The following ZNF471 variants were observed in gnomAD, a reference collection of about 807,000 sequenced individuals.
The protein encoded by ZNF471 is EZFIT-related protein 1.
In ZNF471, 7 loss-of-function variants were observed where a neutral mutation model predicts 13.7. The observed-to-expected ratio is 0.51, with a 90% CI of 0.29 to 0.96. The LOEUF (loss-of-function observed/expected upper bound fraction) is 0.96, where lower values mean the gene tolerates loss of function less well. ZNF471 is among the 40% of genes least tolerant of loss of function. The pLI, the probability that ZNF471 is intolerant of heterozygous loss-of-function variation, is 0.08. For synonymous variants in ZNF471, 218 were observed against 235.6 expected (o/e 0.93, Z 0.68); for missense variants, 663 against 743.3 (o/e 0.89, Z 1.26).
rs1346922181 is a variant in ZNF471, at chr19:56,526,603, G to C, written c.*655G>C. The C allele has an allele frequency of 6.6e-6, 1 of 152,356 alleles. No individual in the cohort carries two copies. Among genetic ancestry groups the C allele is most frequent in the Non-Finnish European group, 1.5e-5 (1 of 68,178 alleles). The allele number at this position is 152,356 out of a possible 1,614,324, so 9.4% of individuals were successfully genotyped here. On this transcript the variant is annotated 3_prime_UTR_variant, in exon 5 of 5. Coordinates refer to ENST00000308031, the MANE Select transcript of ZNF471 (RefSeq NM_020813.4). ...GAGCCCAGCAAGCTAAGATCCACTG[G>C]CTTGGAATTCTCCCTGCCAGCACAG... is the stretch of plus-strand genomic sequence containing the variant.
chr19:56,511,653 G>A, intron 2 of ZNF471, 49 bp downstream of exon 2: 1 of 1,460,852 alleles, frequency 6.8e-7, no homozygotes, highest in Non-Finnish European at 9.5e-7. Context: ...TTGCTGTTTA[G>A]GACTTTTTGT....
At position 56,510,936 on chromosome 19, in the gene ZNF471, G is replaced by T; in HGVS notation, c.-55-581G>T. ...GGCTGGGACAGAGGTGAGAGTGAAA[G>T]TGGCAGAATTGAGTGCTAAAGGTTC... is the stretch of plus-strand genomic sequence containing the variant. On this transcript the variant is annotated intron_variant, in intron 1 of 4. Coordinates refer to ENST00000308031, the MANE Select transcript of ZNF471 (RefSeq NM_020813.4). The surrounding 1 kb of genome is among the most constrained non-coding windows in gnomAD (Gnocchi z 4.3). The T allele has an allele frequency of 1.0e-6, 1 of 985,642 alleles. No homozygotes were observed. Among genetic ancestry groups the T allele is most frequent in the Non-Finnish European group, 1.2e-6 (1 of 830,032 alleles). The allele number at this position is 985,642 out of a possible 1,614,324, so 61.1% of individuals were successfully genotyped here.
Position 56,516,211 on chromosome 19 carries a change from G to A in ZNF471, c.34-64G>A. On this transcript the variant is annotated intron_variant, in intron 2 of 4. Transcript: ENST00000308031. The surrounding 1 kb of genome is among the most constrained non-coding windows in gnomAD (Gnocchi z 4.4). ...TCTCACCTAAAGTAGAGACACTTTG[G>A]ATCAACTCAGAGTTATCTTTGGACA... 3 of 1,546,238 alleles carry A rather than the reference G, an allele frequency of 1.9e-6. No individual in the cohort carries two copies. The highest frequency in any genetic ancestry group is 2.7e-6 in the Non-Finnish European group (3 of 1,129,162).
Position 56,510,306 on chromosome 19 carries a change from G to A in ZNF471, c.-55-1211G>A. 1 of 985,460 alleles carries A rather than the reference G, an allele frequency of 1.0e-6. No homozygotes were observed. The highest frequency in any genetic ancestry group is 1.2e-6 in the Non-Finnish European group (1 of 829,950). 61.0% of individuals were successfully genotyped at this position (985,460 alleles called of 1,614,324 possible). A position where few individuals can be genotyped will look rare whatever the true frequency, so the allele number is the denominator to read the frequency against. On this transcript the variant is annotated intron_variant, in intron 1 of 4. Transcript: ENST00000308031. This position sits in a 1 kb window ranked among gnomAD's most constrained non-coding sequence, Gnocchi z 4.3. Reference sequence around the variant, plus strand: ...ATGTGTATGTATGAGAGACCATCATGTTTATATGTGTGAAAGAGGGAGAGA... The same window carrying A: ...ATGTGTATGTATGAGAGACCATCATATTTATATGTGTGAAAGAGGGAGAGA...
At chr19:56,521,970 T>C (rs542230516) in intron 4 of ZNF471, among the ~76,000 whole-genome samples, 2 of 152,224 alleles carry the variant, frequency 1.3e-5, no homozygotes, top group South Asian at 2.1e-4. Context: ...AATGTCCTCA[T>C]AGCATATTTT....
intron 1 of ZNF471, among the ~76,000 whole-genome samples, chr19:56,509,370 G>T (rs1165264035): frequency 6.6e-6 from 1 of 151,702 alleles, no homozygotes; most frequent in Non-Finnish European, 1.5e-5. Flanking sequence ...CTTGTCCTAT[G>T]CATTTCTTCA....
chr19:56,519,931 T>A (rs2043946371), intron 4 of ZNF471, among the ~76,000 whole-genome samples: 2 of 152,364 alleles, frequency 1.3e-5, no homozygotes, highest in African/African-American at 2.4e-5. Context: ...ATGCCCTACC[T>A]GCCTTTTAGT....
At position 56,527,966 on chromosome 19, in the gene ZNF471, C is replaced by T. The variant is rs2044067920; in HGVS notation, c.*2018C>T. 1 of 152,340 alleles carries T rather than the reference C, an allele frequency of 6.6e-6. No homozygotes were observed. The highest frequency in any genetic ancestry group is 2.4e-5 in the African/African-American group (1 of 41,430). The allele number at this position is 152,340 out of a possible 1,614,324, so 9.4% of individuals were successfully genotyped here. A position where few individuals can be genotyped will look rare whatever the true frequency, so the allele number is the denominator to read the frequency against. On this transcript the variant is annotated 3_prime_UTR_variant, in exon 5 of 5. Coordinates refer to ENST00000308031, the MANE Select transcript of ZNF471 (RefSeq NM_020813.4). The stretch of plus-strand genomic sequence containing the variant: ...TTCAATCATTACACAGGTGTCCAAC[C>T]TTTTGTCTTCCCTGGGCCACATTGG...
rs1239949750 is a variant in ZNF471 at position 56,525,230 on chromosome 19, T to C, written c.1163T>C (p.Ile388Thr). The C allele has an allele frequency of 1.5e-5, 24 of 1,613,878 alleles. No homozygotes were observed. The highest frequency in any genetic ancestry group is 2.0e-5 in the Non-Finnish European group (24 of 1,179,968). ...TGTGGGAAAGCCTTCAGTGTTCACA[T>C]AGGACTTATTCTGCATAGGAGAATT... ...IDCGKAFSVH[I>T]GLILHRRIHT... Residue 388 changes from isoleucine (I) to threonine (T), a missense_variant, in exon 5 of 5, where the codon ATA becomes ACA. By Grantham distance (89) the Ile-to-Thr change is moderately conservative (BLOSUM62 -1). Transcript: ENST00000308031.
At chr19:56,520,672 A>G (rs910565604) in intron 4 of ZNF471, among the ~76,000 whole-genome samples, 3 of 152,176 alleles carry the variant, frequency 2.0e-5, no homozygotes, top group Admixed American at 2.0e-4. Context: ...AAAAGGCCCA[A>G]AGGAGCTTCC....
At chr19:56,518,441 C>T (rs367891301) in intron 3 of ZNF471, 41 bp from the exon 4 acceptor site, 36 of 1,543,486 alleles carry the variant, frequency 2.3e-5, no homozygotes, top group Non-Finnish European at 3.2e-5. Context: ...CTGAAATAAC[C>T]CAAAACATGA....
Position 56,524,847 on chromosome 19 carries a change from A to G in ZNF471, c.780A>G (p.Lys260=). Residue 260 remains lysine (K), a synonymous_variant, in exon 5 of 5, where the codon AAA becomes AAG. Coordinates refer to ENST00000308031, the MANE Select transcript of ZNF471 (RefSeq NM_020813.4). The surrounding 1 kb of genome is among the most constrained non-coding windows in gnomAD (Gnocchi z 4.8). ...ATCACAGAACACATACTGGAGAGAA[A>G]CTCTTTGAATGTAAAGAATGTAGGA... ...AQHHRTHTGE[K]LFECKECRKA... 1 of 1,611,078 alleles carries G rather than the reference A, an allele frequency of 6.2e-7. No homozygotes were observed. Among genetic ancestry groups the G allele is most frequent in the Non-Finnish European group, 8.5e-7 (1 of 1,178,724 alleles).
rs983097952 is a variant in ZNF471 at position 56,529,378 on chromosome 19, T to C, written c.*3430T>C. 3 of 152,322 alleles carry C rather than the reference T, an allele frequency of 2.0e-5. No homozygotes were observed. The highest frequency in any genetic ancestry group is 2.0e-4 in the Admixed American group (3 of 15,290). 9.4% of individuals were successfully genotyped at this position (152,322 alleles called of 1,614,324 possible). On this transcript the variant is annotated 3_prime_UTR_variant, in exon 5 of 5. Transcript: ENST00000308031. The stretch of plus-strand genomic sequence containing the variant: ...TCATTACAGATGTAAGAGGTTAAGA[T>C]GGTAGAGGAGAATGTAGAGTATTTC...
Position 56,524,600 on chromosome 19 carries a change from A to T in ZNF471, c.533A>T (p.Tyr178Phe), listed in dbSNP as rs569893346. The change falls in exon 5 of 5, where the codon TAT becomes TTT. Residue 178 changes from tyrosine (Y) to phenylalanine (F), a missense_variant. Coordinates refer to ENST00000308031, the MANE Select transcript of ZNF471 (RefSeq NM_020813.4). The surrounding 1 kb of genome is among the most constrained non-coding windows in gnomAD (Gnocchi z 4.8). ...CTGGAAAACATAGAAGAGAGTATTT[A>T]TAATCACACATCAGATAAAAAAAGC... ...IHLENIEESI[Y>F]NHTSDKKSFS... 3.7e-5 allele frequency: 59 copies of T among 1,593,514 alleles called. No individual in the cohort carries two copies. Among genetic ancestry groups the T allele is most frequent in the Non-Finnish European group, 4.9e-5 (58 of 1,174,846 alleles).
At chr19:56,518,016 C>T (rs73629924) in intron 3 of ZNF471, among the ~76,000 whole-genome samples, 9,451 of 152,026 alleles carry the variant, frequency 0.062, 474 homozygotes, top group African/African-American at 0.14. Context: ...GCAGTGTGAG[C>T]GTCTATTGCT....
chr19:56,522,718 G>A lies in ZNF471; in HGVS notation c.257-1606G>A, dbSNP rs554665774. ...TCTTCTATCTATGGTAAGTGATGTA[G>A]CAATATATTTTTTCTTTTTTTCTTT... On this transcript the variant is annotated intron_variant, in intron 4 of 4. Transcript: ENST00000308031. This position sits in a 1 kb window ranked among gnomAD's most constrained non-coding sequence, Gnocchi z 4.1. 3.1e-4 allele frequency among the ~76,000 whole-genome samples: 47 copies of A among 151,420 alleles called. No homozygotes were observed. The highest frequency in any genetic ancestry group is 1.1e-3 in the African/African-American group (47 of 41,350).
At position 56,526,384 on chromosome 19, in the gene ZNF471, C is replaced by A. The variant is rs1025265856; in HGVS notation, c.*436C>A. 2.4e-4 allele frequency: 12 copies of A among 49,220 alleles called. No homozygotes were observed. Among genetic ancestry groups the A allele is most frequent in the African/African-American group, 9.7e-4 (12 of 12,352 alleles). The allele number at this position is 49,220 out of a possible 1,614,324, so 3.0% of individuals were successfully genotyped here. On this transcript the variant is annotated 3_prime_UTR_variant, in exon 5 of 5. Transcript: ENST00000308031. The stretch of plus-strand genomic sequence containing the variant: ...CTTCGCAACCCACAGACCAGGAGAT[C>A]CCCCTTGGGTGCCTATGCCACCAAG...
At chr19:56,515,948 T>G (rs1311198460) in intron 2 of ZNF471, among the ~76,000 whole-genome samples, 3 of 152,222 alleles carry the variant, frequency 2.0e-5, no homozygotes, top group Non-Finnish European at 4.4e-5. Context: ...AAAACTTGGA[T>G]CCCATGGAGT....
chr19:56,521,588 G>A (rs1000867295), intron 4 of ZNF471, among the ~76,000 whole-genome samples: 7 of 141,588 alleles, frequency 4.9e-5, no homozygotes, highest in East Asian at 4.5e-4. Context: ...GCAGTGAGCC[G>A]AGATTGCGCC....
Sources: gnomAD v4.1 joint callset for allele counts (sites outside exome capture counted in the v4.1 genomes callset) on GRCh38, gnomAD v4.1.1 for gene constraint, Gnocchi (gnomAD v3.1) non-coding constraint, MANE v1.5 for transcripts, NCBI Gene and HGNC (gene_info 2026-07-23, HGNC 2026-07-21) for gene names.